The following ZC3H7B variants were observed in gnomAD, a reference collection of about 807,000 sequenced individuals.
The protein encoded by ZC3H7B is zinc finger CCCH domain-containing protein 7B.
A neutral mutation model predicts 116.0 loss-of-function variants in ZC3H7B; 35 were observed. That is an observed-to-expected ratio of 0.30 (90% CI 0.23 to 0.40). The LOEUF is 0.40. Ranked by LOEUF, ZC3H7B falls within the 10% of genes least tolerant of loss-of-function variation. The pLI is 1.00. For synonymous variants in ZC3H7B, 502 were observed against 545.6 expected, an observed-to-expected ratio of 0.92 and a Z score of 1.11; for missense variants, 1,011 against 1,321.5, an observed-to-expected ratio of 0.77 and a Z score of 3.64.
chr22:41,356,532 CACCTGGGAGGGGCA>C, intron 21 of ZC3H7B, 56 bp downstream of exon 21: 1 of 1,611,022 alleles, frequency 6.2e-7, no homozygotes, highest in East Asian at 2.2e-5. Context: ...GTCTGAGCCT[CACCTGGGAGGGGCA>C]GCCTGGAGGG....
chr22:41,353,974 G>A (rs2036683171), intron 17 of ZC3H7B, among the ~76,000 whole-genome samples: 1 of 152,204 alleles, frequency 6.6e-6, no homozygotes, highest in African/African-American at 2.4e-5. Flanking sequence ...TAGCTCACCT[G>A]TAGCCCAGCT....
Position 41,339,225 on chromosome 22 carries a change from TC to T in ZC3H7B, c.816+38del, listed in dbSNP as rs1425140152. 5 of 1,565,928 alleles carry T rather than the reference TC, an allele frequency of 3.2e-6. No homozygotes were observed. The Admixed American group carries it at 8.8e-5, about 28-fold the overall frequency. On this transcript the variant is annotated intron_variant, in intron 9 of 22. Transcript: ENST00000352645. ...CACCACCCTCCTTGTGCTCCCCTGATCCCCTCTCCCCGCTGTGTCCCCATTG... is the reference window on the plus strand; with the variant it reads ...CACCACCCTCCTTGTGCTCCCCTGATCCCTCTCCCCGCTGTGTCCCCATTG...
In ZC3H7B at chr22:41,356,412, C is replaced by A. The variant is rs771756500; in HGVS notation, c.2453C>A (p.Thr818Asn). ...KHNPGKPGEG[T>N]PISSREGEKQ... Reference sequence around the variant, plus strand: ...AACCCAGGAAAGCCTGGAGAAGGGACCCCCATCAGTTCTCGGGAAGGGGAG... The same window carrying A: ...AACCCAGGAAAGCCTGGAGAAGGGAACCCCATCAGTTCTCGGGAAGGGGAG... The change falls in exon 21 of 23, where the codon ACC becomes AAC. Residue 818 changes from threonine (T) to asparagine (N), a missense_variant. This residue lies in a region of ZC3H7B where 406 missense variants were observed against 590.2 expected (regional missense o/e 0.69). Coordinates refer to ENST00000352645, the MANE Select transcript of ZC3H7B (RefSeq NM_017590.6). The A allele has an allele frequency of 3.7e-6, 6 of 1,614,040 alleles. No homozygotes were observed. In the African/African-American group the frequency reaches 4.0e-5, roughly 11 times the overall value.
intron 17 of ZC3H7B, among the ~76,000 whole-genome samples, chr22:41,354,875 G>A (rs895399328): frequency 1.3e-5 from 2 of 152,124 alleles, no homozygotes; most frequent in African/African-American, 2.4e-5. Flanking sequence ...CCACTCAGAC[G>A]CCTGTCCCAC....
intron 10 of ZC3H7B, 40 bp downstream of exon 10, chr22:41,340,177 G>C: frequency 6.4e-7 from 1 of 1,552,942 alleles, no homozygotes; most frequent in South Asian, 1.2e-5. Flanking sequence ...CCCTGGACAG[G>C]TTGCACAGTG....
Position 41,357,644 on chromosome 22 carries a change from C to G in ZC3H7B, c.*215C>G. 1.5e-6 allele frequency: 1 copy of G among 668,890 alleles called. No homozygotes were observed. Among genetic ancestry groups the G allele is most frequent in the South Asian group, 2.0e-5 (1 of 49,610 alleles). The allele number at this position is 668,890 out of a possible 1,614,324, so 41.4% of individuals were successfully genotyped here. On this transcript the variant is annotated 3_prime_UTR_variant, in exon 23 of 23. Transcript: ENST00000352645. This position sits in a 1 kb window ranked among gnomAD's most constrained non-coding sequence, Gnocchi z 5.4. ...CAGCCCCCGGAGGCCCCGCTGAAAC[C>G]TGGGCTGCCCTTCCCCCACCCCCAC...
intron 6 of ZC3H7B, among the ~76,000 whole-genome samples, chr22:41,330,770 C>A (rs1366436096): frequency 6.6e-6 from 1 of 151,910 alleles, no homozygotes; most frequent in East Asian, 1.9e-4. Flanking sequence ...GTAGAAACCC[C>A]ATCTCTACTA....
intron 2 of ZC3H7B, among the ~76,000 whole-genome samples, chr22:41,324,891 T>C (rs1435830056): frequency 9.2e-5 from 14 of 152,190 alleles, no homozygotes; most frequent in Admixed American, 9.2e-4. Flanking sequence ...TTCCTGCCTT[T>C]TCCTGCCTGC....
chr22:41,342,062 C>CAA (rs917602066), intron 11 of ZC3H7B, among the ~76,000 whole-genome samples: 11 of 88,058 alleles, frequency 1.2e-4, no homozygotes, highest in African/African-American at 1.7e-4. Context: ...AACTCCATCT[C>CAA]AAAAAAAAAA....
chr22:41,352,457 G>A (rs769548333), intron 17 of ZC3H7B, among the ~76,000 whole-genome samples: 1 of 152,186 alleles, frequency 6.6e-6, no homozygotes, highest in Non-Finnish European at 1.5e-5. Context: ...TCTATAGTTT[G>A]TAATTAATAA....
At chr22:41,310,555 A>G (rs1021846881) in intron 1 of ZC3H7B, among the ~76,000 whole-genome samples, 1 of 152,206 alleles carries the variant, frequency 6.6e-6, no homozygotes, top group Non-Finnish European at 1.5e-5. Context: ...AAGGATTTCC[A>G]AGCTCCCTGG....
At chr22:41,354,774 AGGCT>A (rs1465824002) in intron 17 of ZC3H7B, among the ~76,000 whole-genome samples, 1 of 152,102 alleles carries the variant, frequency 6.6e-6, no homozygotes, top group Non-Finnish European at 1.5e-5. Context: ...AGCAGGCCAA[AGGCT>A]GGGGCGTAGG....
chr22:41,322,188 CTT>C (rs1386513031), intron 2 of ZC3H7B, among the ~76,000 whole-genome samples: 1 of 149,392 alleles, frequency 6.7e-6, no homozygotes, highest in Non-Finnish European at 1.5e-5. Flanking sequence ...ACATGCCACA[CTT>C]TTTTTTTGTT....
At chr22:41,307,372 A>G (rs1469724161) in intron 1 of ZC3H7B, among the ~76,000 whole-genome samples, 1 of 151,896 alleles carries the variant, frequency 6.6e-6, no homozygotes, top group African/African-American at 2.4e-5. Context: ...CACCAAATTC[A>G]TTCCCCCCAG....
intron 17 of ZC3H7B, among the ~76,000 whole-genome samples, chr22:41,352,718 C>T (rs907102111): frequency 3.3e-5 from 5 of 149,704 alleles, no homozygotes; most frequent in Admixed American, 6.7e-5. Flanking sequence ...GCTGAGATCA[C>T]GCTGTTGCAC....
chr22:41,338,378 A>G lies in ZC3H7B; in HGVS notation c.625+23A>G. 6.2e-7 allele frequency: 1 copy of G among 1,611,718 alleles called. No homozygotes were observed. Among genetic ancestry groups the G allele is most frequent in the South Asian group, 1.1e-5 (1 of 90,578 alleles). ...CAGGTAATGTCCCCGATACGAGGGA[A>G]CAAGTGGAAATTGGGGCCCCGAGAG... On this transcript the variant is annotated intron_variant, in intron 8 of 22. Coordinates refer to ENST00000352645, the MANE Select transcript of ZC3H7B (RefSeq NM_017590.6). The surrounding 1 kb of genome is among the most constrained non-coding windows in gnomAD (Gnocchi z 4.5).
At chr22:41,311,991 C>T (rs1156441612) in intron 1 of ZC3H7B, among the ~76,000 whole-genome samples, 1 of 151,868 alleles carries the variant, frequency 6.6e-6, no homozygotes. Flanking sequence ...TAATCCTTTA[C>T]TGGTAGACAT....
intron 13 of ZC3H7B, among the ~76,000 whole-genome samples, chr22:41,345,293 T>A (rs1035973705): frequency 3.3e-5 from 5 of 152,110 alleles, no homozygotes; most frequent in Non-Finnish European, 7.4e-5. Flanking sequence ...TATTTTTAAA[T>A]CCCTTATATT....
chr22:41,311,829 C>T (rs2036122008), intron 1 of ZC3H7B, among the ~76,000 whole-genome samples: 1 of 152,060 alleles, frequency 6.6e-6, no homozygotes, highest in Non-Finnish European at 1.5e-5. Flanking sequence ...GACGAGCCCC[C>T]AACAGAGAAA....
Sources: gnomAD v4.1 joint callset for allele counts (sites outside exome capture counted in the v4.1 genomes callset) on GRCh38, gnomAD v4.1.1 for gene constraint, gnomAD v4.1.1 regional missense constraint, Gnocchi (gnomAD v3.1) non-coding constraint, MANE v1.5 for transcripts, NCBI Gene and HGNC (gene_info 2026-07-23, HGNC 2026-07-21) for gene names.